Variants in C8orf34 observed in about 807,000 individuals in gnomAD.
C8orf34 encodes chromosome 8 open reading frame 34, also known as uncharacterized protein C8orf34.
Under a neutral mutation model 68.3 loss-of-function variants are expected in C8orf34, and 65 were observed. The ratio of observed to expected loss-of-function variants is 0.95; its 90% confidence interval spans 0.78 to 1.17. C8orf34 has a LOEUF of 1.17. Among genes scored for constraint, C8orf34 ranks in the 50% most tolerant of loss-of-function variants. The probability of loss-of-function intolerance (pLI) is 0.00; values close to 1 mark genes in which losing one functional copy is unlikely to be tolerated. For synonymous variants in C8orf34, 244 were observed against 241.2 expected, an observed-to-expected ratio of 1.01 and a Z score of -0.11; for missense variants, 664 against 655.4, an observed-to-expected ratio of 1.01 and a Z score of -0.14.
At chr8:68,682,679 T>A (rs1820405259) in intron 8 of C8orf34, among the ~76,000 whole-genome samples, 1 of 152,134 alleles carries the variant, frequency 6.6e-6, no homozygotes, top group South Asian at 2.1e-4. Context: ...AAAGTTATAT[T>A]TCAGAGTGAC....
At chr8:68,581,123 C>T (rs547459005) in intron 7 of C8orf34, among the ~76,000 whole-genome samples, 5 of 152,032 alleles carry the variant, frequency 3.3e-5, no homozygotes, top group Admixed American at 1.3e-4. Flanking sequence ...TTATGGGACA[C>T]GAGGGCCTTC....
chr8:68,779,085 G>C (rs1823600431), intron 11 of C8orf34, among the ~76,000 whole-genome samples: 1 of 151,908 alleles, frequency 6.6e-6, no homozygotes, highest in Non-Finnish European at 1.5e-5. Flanking sequence ...GCTGAGGCAG[G>C]AGGATTGCTT....
At chr8:68,537,896 A>G (rs1815545009) in intron 7 of C8orf34, among the ~76,000 whole-genome samples, 1 of 152,030 alleles carries the variant, frequency 6.6e-6, no homozygotes, top group Non-Finnish European at 1.5e-5. Flanking sequence ...ACATCATCCT[A>G]TGTGATTTAC....
intron 5 of C8orf34, among the ~76,000 whole-genome samples, chr8:68,493,798 T>C (rs1586253972): frequency 6.6e-6 from 1 of 152,274 alleles, no homozygotes; most frequent in South Asian, 2.1e-4. Context: ...CTCCACCATG[T>C]GAGCATGTAG....
intron 8 of C8orf34, among the ~76,000 whole-genome samples, chr8:68,653,377 A>G (rs1385925627): frequency 6.6e-6 from 1 of 152,218 alleles, no homozygotes; most frequent in Non-Finnish European, 1.5e-5. Flanking sequence ...TGTCTGGTAA[A>G]TAATCGGTTC....
At chr8:68,783,410 C>A (rs1476910108) in intron 11 of C8orf34, among the ~76,000 whole-genome samples, 1 of 150,474 alleles carries the variant, frequency 6.6e-6, no homozygotes, top group South Asian at 2.1e-4. Flanking sequence ...CCCAGCTACT[C>A]GGGAGGCTGA....
At chr8:68,614,449 C>A (rs919733085) in intron 7 of C8orf34, among the ~76,000 whole-genome samples, 1 of 152,116 alleles carries the variant, frequency 6.6e-6, no homozygotes, top group African/African-American at 2.4e-5. Context: ...TTTAATCCAT[C>A]TTGAATTAAT....
At chr8:68,407,209 G>T (rs578160964) in intron 1 of C8orf34, among the ~76,000 whole-genome samples, 27 of 149,282 alleles carry the variant, frequency 1.8e-4, no homozygotes, top group Admixed American at 1.6e-3. Flanking sequence ...TTTTTCTAAG[G>T]TTCCTTTTTT....
chr8:68,769,983 A>G (rs1363635629), intron 10 of C8orf34, among the ~76,000 whole-genome samples: 2 of 152,190 alleles, frequency 1.3e-5, no homozygotes, highest in African/African-American at 2.4e-5. Flanking sequence ...AAGACAAGGT[A>G]GAAGTACAAG....
chr8:68,631,791 C>G (rs1160517958), intron 7 of C8orf34, among the ~76,000 whole-genome samples: 1 of 152,178 alleles, frequency 6.6e-6, no homozygotes, highest in African/African-American at 2.4e-5. Flanking sequence ...TTTGCTCTCT[C>G]TCTCCTGCCA....
intron 1 of C8orf34, among the ~76,000 whole-genome samples, chr8:68,351,230 C>T (rs1278533656): frequency 6.6e-6 from 1 of 151,926 alleles, no homozygotes; most frequent in Admixed American, 6.6e-5. Context: ...CTTAGTTTGG[C>T]TGGATATAGG....
chr8:68,463,404 C>G (rs1226103926), intron 3 of C8orf34, among the ~76,000 whole-genome samples: 1 of 152,132 alleles, frequency 6.6e-6, no homozygotes, highest in Non-Finnish European at 1.5e-5. Context: ...CTATTCCAAT[C>G]AACAGAAAAA....
intron 1 of C8orf34, among the ~76,000 whole-genome samples, chr8:68,360,756 CTTTTTT>C (rs397955906): frequency 7.4e-6 from 1 of 134,756 alleles, no homozygotes; most frequent in Non-Finnish European, 1.6e-5. Context: ...TTCTTCCTTT[CTTTTTT>C]TTTTTTTTTT....
At chr8:68,676,581 T>G (rs1820198139) in intron 8 of C8orf34, among the ~76,000 whole-genome samples, 1 of 152,178 alleles carries the variant, frequency 6.6e-6, no homozygotes, top group Non-Finnish European at 1.5e-5. Flanking sequence ...CCAATACATA[T>G]TCTTTTCCTC....
intron 10 of C8orf34, among the ~76,000 whole-genome samples, chr8:68,753,120 C>A (rs1199307035): frequency 1.3e-5 from 2 of 152,082 alleles, no homozygotes; most frequent in Non-Finnish European, 2.9e-5. Flanking sequence ...AAAATGACAG[C>A]ATATTTTATG....
intron 8 of C8orf34, among the ~76,000 whole-genome samples, chr8:68,702,090 A>G (rs1821033914): frequency 6.6e-6 from 1 of 151,908 alleles, no homozygotes; most frequent in Non-Finnish European, 1.5e-5. Context: ...CTGATTCTGT[A>G]TATTTTACTT....
chr8:68,475,264 G>A (rs934375749), intron 4 of C8orf34, among the ~76,000 whole-genome samples: 2 of 152,132 alleles, frequency 1.3e-5, no homozygotes, highest in African/African-American at 2.4e-5. Context: ...CTCTTCTGGG[G>A]TAGATTTGCA....
At position 68,620,336 on chromosome 8, in the gene C8orf34, G is replaced by A. The variant is rs1019048899; in HGVS notation, c.1106-20040G>A. 2.6e-5 allele frequency among the ~76,000 whole-genome samples: 4 copies of A among 152,304 alleles called. No homozygotes were observed. In the East Asian group the frequency reaches 7.7e-4, roughly 29 times the overall value. Reference sequence around the variant, plus strand: ...AGCCTAGGCCAGAGTCCAGGAAGAGGTTGGGGTTGGCATTCAGAGGGTCTG... The same window carrying A: ...AGCCTAGGCCAGAGTCCAGGAAGAGATTGGGGTTGGCATTCAGAGGGTCTG... On this transcript the variant is annotated intron_variant, in intron 7 of 13. Coordinates refer to ENST00000518698, the MANE Select transcript of C8orf34 (RefSeq NM_052958.4).
Position 68,647,899 on chromosome 8 carries a change from G to A in C8orf34, c.1241+7388G>A, listed in dbSNP as rs1406890748. On this transcript the variant is annotated intron_variant, in intron 8 of 13. Coordinates refer to ENST00000518698, the MANE Select transcript of C8orf34 (RefSeq NM_052958.4). ...CTGCAATTTGTGTGATTTAAACAGA[G>A]AAATGACATTGTTTGGCAAGTGGGA... is the stretch of plus-strand genomic sequence containing the variant. Among the ~76,000 whole-genome samples, 4 of 152,174 alleles carry A rather than the reference G, an allele frequency of 2.6e-5. No homozygotes were observed. The East Asian group carries it at 5.8e-4, about 22-fold the overall frequency.
Sources: gnomAD v4.1 joint callset for allele counts (sites outside exome capture counted in the v4.1 genomes callset) on GRCh38, gnomAD v4.1.1 for gene constraint, MANE v1.5 for transcripts, NCBI Gene and HGNC (gene_info 2026-07-23, HGNC 2026-07-21) for gene names.